Variants in SLC8A2 observed in about 807,000 individuals in gnomAD.
The protein encoded by SLC8A2 is sodium/calcium exchanger 2.
SLC8A2 carries 14 observed loss-of-function variants against 70.2 expected under a neutral mutation model. The observed-to-expected ratio is 0.20, with a 90% CI of 0.13 to 0.31. The LOEUF is 0.31. SLC8A2 is among the 10% of genes least tolerant of loss of function. The pLI is 1.00. For synonymous variants in SLC8A2, 575 were observed against 594.3 expected (o/e 0.97, Z 0.47); for missense variants, 779 against 1,320.1 (o/e 0.59, Z 6.35).
At chr19:47,462,792 C>T (rs561891625) in intron 2 of SLC8A2, among the ~76,000 whole-genome samples, 3 of 149,912 alleles carry the variant, frequency 2.0e-5, no homozygotes, top group South Asian at 2.1e-4. Context: ...TTCACCATGT[C>T]GGTCAGGCTG....
intron 2 of SLC8A2, among the ~76,000 whole-genome samples, chr19:47,462,465 TG>T (rs983794218): frequency 1.5e-4 from 23 of 152,078 alleles, no homozygotes; most frequent in African/African-American, 5.6e-4. Flanking sequence ...GGTTTCCCCA[TG>T]TTGGTCAGGC....
chr19:47,452,783 G>C (rs1394094553), intron 3 of SLC8A2, among the ~76,000 whole-genome samples: 1 of 152,000 alleles, frequency 6.6e-6, no homozygotes, highest in African/African-American at 2.4e-5. Flanking sequence ...CTGTAATCCC[G>C]GCACTTTGGG....
At chr19:47,443,948 T>C (rs1328755361) in intron 4 of SLC8A2, among the ~76,000 whole-genome samples, 3 of 152,094 alleles carry the variant, frequency 2.0e-5, no homozygotes, top group South Asian at 4.1e-4. Context: ...CAGGCTGGAG[T>C]GCAGTGGCAT....
In SLC8A2 at chr19:47,447,753, A is replaced by G. The variant is rs1967184501; in HGVS notation, c.1763+56T>C. 6.7e-7 allele frequency: 1 copy of G among 1,481,562 alleles called. No homozygotes were observed. Among genetic ancestry groups the G allele is most frequent in the Non-Finnish European group, 8.9e-7 (1 of 1,121,026 alleles). 91.8% of individuals were successfully genotyped at this position (1,481,562 alleles called of 1,614,324 possible). On this transcript the variant is annotated intron_variant, in intron 4 of 9. Transcript: ENST00000236877. The surrounding 1 kb of genome is among the most constrained non-coding windows in gnomAD (Gnocchi z 5.1). ...CCAGGCCCCGCCCCTGAGCCACATC[A>G]GGCCTCGCCCATTCCGAAGCCCCGC...
In SLC8A2 at chr19:47,448,093, C is replaced by G; in HGVS notation, c.1479G>C (p.Met493Ile). 1 of 1,606,966 alleles carries G rather than the reference C, an allele frequency of 6.2e-7. No individual in the cohort carries two copies. Among genetic ancestry groups the G allele is most frequent in the Non-Finnish European group, 8.5e-7 (1 of 1,177,016 alleles). ...GCCGCCCGCCGCCGTCCGGCTCGAA[C>G]ATGCCCTGCGCGTCGCCCACGCGCA... is the stretch of plus-strand genomic sequence containing the variant. The part of the protein sequence containing the change: ...LNLRVGDAQG[M>I]FEPDGGGRPK... The change falls in exon 4 of 10, where the codon ATG (methionine) becomes ATC (isoleucine). Residue 493 changes from methionine to isoleucine, a missense_variant. Transcript: ENST00000236877. The surrounding 1 kb of genome is among the most constrained non-coding windows in gnomAD (Gnocchi z 4.8).
At position 47,457,125 on chromosome 19, in the gene SLC8A2, G is replaced by A. The variant is rs773614565; in HGVS notation, c.1145C>T (p.Ala382Val). 6.5e-7 allele frequency: 1 copy of A among 1,545,728 alleles called. No homozygotes were observed. The highest frequency in any genetic ancestry group is 8.7e-7 in the Non-Finnish European group (1 of 1,145,616). ...GTCTTCGTCCTCGCCCGCGCCCTCG[G>A]CCGGCGCCGCCCTGCGCGAGGCGTC... Reference protein sequence around the residue: ...AADASRRAAPAEGAGEDEDDG... With the variant: ...AADASRRAAPVEGAGEDEDDG... The change falls in exon 3 of 10, where the codon GCC becomes GTC. Residue 382 changes from alanine (A) to valine (V), a missense_variant. By Grantham distance (64) the Ala-to-Val change is moderately conservative. Coordinates refer to ENST00000236877, the MANE Select transcript of SLC8A2 (RefSeq NM_015063.3).
rs207477234 is a variant in SLC8A2 at position 47,449,466 on chromosome 19, C to T, written c.1341-1235G>A. Among the ~76,000 whole-genome samples, 8 of 152,140 alleles carry T rather than the reference C, an allele frequency of 5.3e-5. No homozygotes were observed. In the East Asian group the frequency reaches 1.2e-3, roughly 22 times the overall value. On this transcript the variant is annotated intron_variant, in intron 3 of 9. Transcript: ENST00000236877. ...CCTCCCGAGCAGCTGGGACTACAGG[C>T]GCCTGCCACCATGCCTGGCTAATTT...
At chr19:47,462,456 G>C (rs1179049320) in intron 2 of SLC8A2, among the ~76,000 whole-genome samples, 1 of 151,818 alleles carries the variant, frequency 6.6e-6, no homozygotes, top group African/African-American at 2.4e-5. Context: ...TAGAGTTAGG[G>C]TTTCCCCATG....
intron 8 of SLC8A2, among the ~76,000 whole-genome samples, chr19:47,436,953 C>T (rs1020401521): frequency 2.0e-5 from 3 of 152,206 alleles, no homozygotes; most frequent in African/African-American, 7.2e-5. Flanking sequence ...AATCTGTTCC[C>T]ACCCTCCTGA....
intron 7 of SLC8A2, 93 bp downstream of exon 7, chr19:47,437,756 A>C: frequency 6.7e-7 from 1 of 1,500,610 alleles, no homozygotes; most frequent in Non-Finnish European, 9.2e-7. Context: ...CTTTGGCTTG[A>C]TCTTAGGAAC....
At chr19:47,455,637 T>A (rs945942916) in intron 3 of SLC8A2, among the ~76,000 whole-genome samples, 11 of 152,144 alleles carry the variant, frequency 7.2e-5, no homozygotes, top group African/African-American at 1.9e-4. Flanking sequence ...CTGGTGAAAA[T>A]CATTGAAAAG....
At chr19:47,453,347 C>T (rs780825139) in intron 3 of SLC8A2, among the ~76,000 whole-genome samples, 4 of 152,202 alleles carry the variant, frequency 2.6e-5, no homozygotes, top group Admixed American at 6.5e-5. Flanking sequence ...TTATGCAGTG[C>T]ACAGCTTCAA....
chr19:47,466,950 G>C lies in SLC8A2; in HGVS notation c.-16-531C>G, dbSNP rs532625898. ...CGGGAGCCTGTAACCCCAGCTACTC[G>C]GGAGGCTGAGGCAGGAGAATCACTT... On this transcript the variant is annotated intron_variant, in intron 1 of 9. Transcript: ENST00000236877. The surrounding 1 kb of genome is among the most constrained non-coding windows in gnomAD (Gnocchi z 6.9). Among the ~76,000 whole-genome samples the C allele has an allele frequency of 3.9e-5, 6 of 152,106 alleles. No homozygotes were observed. The highest frequency in any genetic ancestry group is 7.4e-5 in the Non-Finnish European group (5 of 68,024).
rs1967193743 is a variant in SLC8A2, at chr19:47,448,235, C to T, written c.1341-4G>A. 6.3e-7 allele frequency: 1 copy of T among 1,584,398 alleles called. No homozygotes were observed. Among genetic ancestry groups the T allele is most frequent in the Non-Finnish European group, 8.6e-7 (1 of 1,161,422 alleles). ...TTTGAACACCAGCGTGCCCTCGCTG[C>T]GGCGGGGTGGGGAGGGGGAAGAGCG... On this transcript the variant is annotated splice_region_variant and splice_polypyrimidine_tract_variant and intron_variant, in intron 3 of 9. Transcript: ENST00000236877. The surrounding 1 kb of genome is among the most constrained non-coding windows in gnomAD (Gnocchi z 4.8).
chr19:47,457,977 AG>A (rs1967336424), intron 2 of SLC8A2, among the ~76,000 whole-genome samples: 1 of 151,716 alleles, frequency 6.6e-6, no homozygotes, highest in African/African-American at 2.4e-5. Context: ...CAGCCTCCCG[AG>A]TAGCTGGGAT....
intron 4 of SLC8A2, among the ~76,000 whole-genome samples, chr19:47,444,388 T>C (rs1158109374): frequency 6.6e-6 from 1 of 152,054 alleles, no homozygotes; most frequent in Non-Finnish European, 1.5e-5. Context: ...GACGGCCATG[T>C]GGGGACATCC....
In SLC8A2 at chr19:47,447,140, C is replaced by T. The variant is rs1286069246; in HGVS notation, c.1763+669G>A. Among the ~76,000 whole-genome samples the T allele has an allele frequency of 6.6e-6, 1 of 151,868 alleles. No individual in the cohort carries two copies. The highest frequency in any genetic ancestry group is 1.5e-5 in the Non-Finnish European group (1 of 67,950). The stretch of plus-strand genomic sequence containing the variant: ...GCCCCACCCCTTCCCTAGCTCCGCG[C>T]GCCCAGGCCCCACCCATCTTGTTAG... On this transcript the variant is annotated intron_variant, in intron 4 of 9. Transcript: ENST00000236877. This position sits in a 1 kb window ranked among gnomAD's most constrained non-coding sequence, Gnocchi z 5.1.
rs1791471244 is a variant in SLC8A2, at chr19:47,468,252, C to T, written c.-16-1833G>A. Among the ~76,000 whole-genome samples the T allele has an allele frequency of 6.6e-6, 1 of 152,114 alleles. No individual in the cohort carries two copies. Among genetic ancestry groups the T allele is most frequent in the Non-Finnish European group, 1.5e-5 (1 of 68,024 alleles). On this transcript the variant is annotated intron_variant, in intron 1 of 9. Coordinates refer to ENST00000236877, the MANE Select transcript of SLC8A2 (RefSeq NM_015063.3). The surrounding 1 kb of genome is among the most constrained non-coding windows in gnomAD (Gnocchi z 5.1). The stretch of plus-strand genomic sequence containing the variant: ...TCAGCCTCACCAGACAAGCTTCTGC[C>T]TTGGAGCCCTGGCACCTGCTGTTCC...
At chr19:47,462,883 C>T (rs1385696830) in intron 2 of SLC8A2, among the ~76,000 whole-genome samples, 1 of 152,020 alleles carries the variant, frequency 6.6e-6, no homozygotes, top group African/African-American at 2.4e-5. Flanking sequence ...CCACTGTGCC[C>T]GGCCTTATGT....
Sources: gnomAD v4.1 joint callset for allele counts (sites outside exome capture counted in the v4.1 genomes callset) on GRCh38, gnomAD v4.1.1 for gene constraint, Gnocchi (gnomAD v3.1) non-coding constraint, MANE v1.5 for transcripts, NCBI Gene and HGNC (gene_info 2026-07-23, HGNC 2026-07-21) for gene names.